Variants in EXOC6 observed in about 807,000 individuals in gnomAD.
EXOC6 encodes the protein exocyst complex component 6.
A neutral mutation model predicts 112.5 loss-of-function variants in EXOC6; 60 were observed. That is an observed-to-expected ratio of 0.53 (90% confidence interval 0.43 to 0.66). The LOEUF (loss-of-function observed/expected upper bound fraction) is 0.66. Ranked by LOEUF, EXOC6 falls within the 30% of genes least tolerant of loss-of-function variation. The pLI, the probability that EXOC6 is intolerant of heterozygous loss-of-function variation, is 0.00. For synonymous variants in EXOC6, 295 were observed against 308.0 expected (o/e 0.96, Z 0.44); for missense variants, 855 against 957.1 (o/e 0.89, Z 1.41).
At chr10:92,896,181 ATTTT>A (rs58783356) in intron 4 of EXOC6, among the ~76,000 whole-genome samples, 21 of 10,234 alleles carry the variant, frequency 2.1e-3, no homozygotes, top group East Asian at 6.9e-3. Context: ...ATATATATAT[ATTTT>A]TTTTTTTTTT....
chr10:92,937,857 A>C (rs921549028), intron 12 of EXOC6, among the ~76,000 whole-genome samples: 2 of 152,148 alleles, frequency 1.3e-5, no homozygotes, highest in Non-Finnish European at 2.9e-5. Context: ...CTTCTTCTCA[A>C]AGTGTGGTCT....
intron 1 of EXOC6, among the ~76,000 whole-genome samples, chr10:92,843,166 G>GAA (rs1331393644): frequency 6.6e-6 from 1 of 152,120 alleles, no homozygotes. Flanking sequence ...TCCACCGTGG[G>GAA]GTCCAGATCT....
chr10:92,896,610 C>CA (rs1425315812), intron 4 of EXOC6, among the ~76,000 whole-genome samples: 2 of 151,562 alleles, frequency 1.3e-5, no homozygotes, highest in East Asian at 3.9e-4. Flanking sequence ...TTATTTGAGA[C>CA]AGAGTCTCAC....
At chr10:93,038,231 A>G (rs1845606271) in intron 20 of EXOC6, among the ~76,000 whole-genome samples, 1 of 152,032 alleles carries the variant, frequency 6.6e-6, no homozygotes, top group African/African-American at 2.4e-5. Context: ...TATAACCACA[A>G]TTCCTATTTT....
At chr10:92,962,382 A>T (rs1564865994) in intron 17 of EXOC6, among the ~76,000 whole-genome samples, 1 of 151,212 alleles carries the variant, frequency 6.6e-6, no homozygotes, top group African/African-American at 2.4e-5. Flanking sequence ...AAATGTTAAA[A>T]ATATATATAT....
At chr10:92,889,774 G>T (rs1159719882) in intron 1 of EXOC6, among the ~76,000 whole-genome samples, 3 of 151,642 alleles carry the variant, frequency 2.0e-5, no homozygotes, top group African/African-American at 4.8e-5. Flanking sequence ...TTCAGAGTGG[G>T]GGTTGCGCTC....
chr10:93,032,698 C>T (rs1395919992), intron 20 of EXOC6, among the ~76,000 whole-genome samples: 1 of 152,128 alleles, frequency 6.6e-6, no homozygotes, highest in East Asian at 1.9e-4. Flanking sequence ...GATCCCTCCT[C>T]TCACAGTCCC....
intron 20 of EXOC6, among the ~76,000 whole-genome samples, chr10:93,029,629 A>C (rs928234144): frequency 6.6e-6 from 1 of 152,180 alleles, no homozygotes; most frequent in Non-Finnish European, 1.5e-5. Flanking sequence ...GGAGAAGTTC[A>C]TAATAGTAAT....
chr10:92,863,944 A>C lies in EXOC6; in HGVS notation c.101+15310A>C, dbSNP rs572804291. Reference sequence around the variant, plus strand: ...AAAAAAAAACAAAACAAAAAAACAAAAAAAAAAGAAAAAAAACCCAAAAAA... The same window carrying C: ...AAAAAAAAACAAAACAAAAAAACAACAAAAAAAGAAAAAAAACCCAAAAAA... On this transcript the variant is annotated intron_variant, in intron 1 of 21. Coordinates refer to ENST00000260762, the MANE Select transcript of EXOC6 (RefSeq NM_019053.6). Among the ~76,000 whole-genome samples the C allele has an allele frequency of 7.9e-5, 12 of 151,632 alleles. No homozygotes were observed. In the South Asian group the frequency reaches 1.0e-3, roughly 13 times the overall value.
chr10:93,035,691 C>T (rs1054968910), intron 20 of EXOC6, among the ~76,000 whole-genome samples: 2 of 152,110 alleles, frequency 1.3e-5, no homozygotes, highest in African/African-American at 4.8e-5. Context: ...CCCGTCTCTA[C>T]TAAAAATACA....
chr10:92,912,077 G>A (rs1043004704), intron 6 of EXOC6, among the ~76,000 whole-genome samples: 1 of 150,652 alleles, frequency 6.6e-6, no homozygotes, highest in Non-Finnish European at 1.5e-5. Context: ...TGAGTGTAAA[G>A]CTTATACCTT....
chr10:92,866,153 T>C (rs111821245), intron 1 of EXOC6, among the ~76,000 whole-genome samples: 8,819 of 152,248 alleles, frequency 0.058, 333 homozygotes, highest in Non-Finnish European at 0.089. Context: ...ATTTCTCTCT[T>C]ACTATTTTTC....
intron 19 of EXOC6, chr10:92,999,317 C>A: frequency 2.5e-6 from 1 of 394,304 alleles, no homozygotes; most frequent in African/African-American, 2.2e-5. Flanking sequence ...CCTGCCTTGG[C>A]ATCCCAAAAT....
chr10:93,002,583 G>A (rs1409386), intron 19 of EXOC6, among the ~76,000 whole-genome samples: 48,980 of 151,960 alleles, frequency 0.32, 9,138 homozygotes, highest in East Asian at 0.9. Context: ...GAGAACCGCT[G>A]TATTACATGG....
chr10:92,829,460 T>A (rs1456302765), intron 1 of EXOC6, among the ~76,000 whole-genome samples: 1 of 152,208 alleles, frequency 6.6e-6, no homozygotes, highest in Admixed American at 6.5e-5. Flanking sequence ...GTCCTTGATT[T>A]CCTTGGCATG....
At chr10:93,004,949 A>G (rs1312494393) in intron 19 of EXOC6, among the ~76,000 whole-genome samples, 3 of 152,212 alleles carry the variant, frequency 2.0e-5, no homozygotes, top group Non-Finnish European at 2.9e-5. Context: ...ATTCAAAGGC[A>G]GTTAAATGTT....
chr10:92,857,336 A>G (rs539356488), intron 1 of EXOC6, among the ~76,000 whole-genome samples: 182 of 152,228 alleles, frequency 1.2e-3, no homozygotes, highest in African/African-American at 4.2e-3. Flanking sequence ...AGTAAGGTAT[A>G]GAAATGTTAC....
intron 4 of EXOC6, among the ~76,000 whole-genome samples, chr10:92,899,273 TTAG>T (rs1274596409): frequency 2.6e-5 from 4 of 152,144 alleles, no homozygotes; most frequent in Non-Finnish European, 4.4e-5. Flanking sequence ...GGAAGAAATA[TTAG>T]TAGTTTCTGG....
chr10:93,031,922 G>A (rs940794630), intron 20 of EXOC6, among the ~76,000 whole-genome samples: 3 of 152,022 alleles, frequency 2.0e-5, no homozygotes, highest in Non-Finnish European at 2.9e-5. Context: ...TTTCTTTCAC[G>A]ATAAATTGTT....
Sources: allele counts gnomAD v4.1 joint callset (sites outside exome capture counted in the v4.1 genomes callset), GRCh38; gene constraint gnomAD v4.1.1; transcripts MANE v1.5; gene names NCBI Gene and HGNC (gene_info 2026-07-23, HGNC 2026-07-21).